GPATCH1: variants seen among roughly 807,000 people sequenced by gnomAD.
GPATCH1 encodes the protein G patch domain-containing protein 1.
Under a neutral mutation model 114.9 loss-of-function variants are expected in GPATCH1, and 73 were observed. That is an observed-to-expected ratio of 0.64 (90% CI 0.53 to 0.77). GPATCH1 has a LOEUF of 0.77. Ranked by LOEUF, GPATCH1 falls within the 30% of genes least tolerant of loss-of-function variation. The pLI, the probability that GPATCH1 is intolerant of heterozygous loss-of-function variation, is 0.00. For missense variants in GPATCH1, 1,058 were observed against 1,144.3 expected, an observed-to-expected ratio of 0.92 and a Z score of 1.09; for synonymous variants, 391 against 428.4, an observed-to-expected ratio of 0.91 and a Z score of 1.08.
At chr19:33,105,450 G>A (rs1972773450) in intron 9 of GPATCH1, among the ~76,000 whole-genome samples, 1 of 150,120 alleles carries the variant, frequency 6.7e-6, no homozygotes, top group Non-Finnish European at 1.5e-5. Flanking sequence ...AAGAAAGCCC[G>A]AAGCTTCAAT....
At chr19:33,092,039 C>CT (rs1972602157) in intron 3 of GPATCH1, among the ~76,000 whole-genome samples, 1 of 147,900 alleles carries the variant, frequency 6.8e-6, no homozygotes, top group African/African-American at 2.5e-5. Context: ...CTCTTGGTCC[C>CT]TTTTCTTTTC....
Position 33,081,186 on chromosome 19 carries a change from A to G in GPATCH1, c.-8A>G. The G allele has an allele frequency of 1.6e-5, 25 of 1,551,046 alleles. No homozygotes were observed. Among genetic ancestry groups the G allele is most frequent in the Non-Finnish European group, 2.1e-5 (24 of 1,146,754 alleles). On this transcript the variant is annotated 5_prime_UTR_variant, in exon 1 of 20. Coordinates refer to ENST00000170564, the MANE Select transcript of GPATCH1 (RefSeq NM_018025.3). Reference sequence around the variant, plus strand: ...CCGTAGCGAGGGGGCGGGGCCCGGAAGAGCAGGATGGCGGCGCGGGACAGT... The same window carrying G: ...CCGTAGCGAGGGGGCGGGGCCCGGAGGAGCAGGATGGCGGCGCGGGACAGT...
chr19:33,099,765 ATTTTTTTT>A (rs35230371), intron 8 of GPATCH1, among the ~76,000 whole-genome samples: 15 of 118,314 alleles, frequency 1.3e-4, no homozygotes, highest in Admixed American at 4.5e-4. Context: ...CGCCCAGCTA[ATTTTTTTT>A]TTTTTTTTTT....
intron 13 of GPATCH1, 128 bp downstream of exon 13, chr19:33,112,741 A>T (rs1280314865): frequency 1.7e-6 from 1 of 603,214 alleles, no homozygotes; most frequent in African/African-American, 1.9e-5. Flanking sequence ...CTGGATATAC[A>T]AATCTACACA....
chr19:33,109,070 A>G (rs773798394), intron 10 of GPATCH1, among the ~76,000 whole-genome samples: 1 of 151,472 alleles, frequency 6.6e-6, no homozygotes, highest in Non-Finnish European at 1.5e-5. Flanking sequence ...TACAAAAAGT[A>G]GTCGGGCATG....
intron 15 of GPATCH1, among the ~76,000 whole-genome samples, chr19:33,116,497 T>C (rs1972917205): frequency 6.6e-6 from 1 of 152,194 alleles, no homozygotes; most frequent in African/African-American, 2.4e-5. Flanking sequence ...TTTTGCTGGA[T>C]ATAGAATTCT....
chr19:33,100,018 G>A (rs527768926), intron 8 of GPATCH1, among the ~76,000 whole-genome samples: 10 of 151,906 alleles, frequency 6.6e-5, no homozygotes, highest in African/African-American at 2.4e-4. Context: ...TGATCCGCCC[G>A]CCTCGGCCTC....
rs758202873 is a variant in GPATCH1 at position 33,112,578 on chromosome 19, A to G, written c.1857A>G (p.Leu619=). The change falls in exon 13 of 20, where the codon CTA becomes CTG. Residue 619 remains leucine, a synonymous_variant. Coordinates refer to ENST00000170564, the MANE Select transcript of GPATCH1 (RefSeq NM_018025.3). ...TTGAGTGGCACCCTGACAAGCTTCT[A>G]TGTAAGAGATTTAATGTCCCTGACC... ...DTFEWHPDKL[L]CKRFNVPDPY... 14 of 1,613,830 alleles carry G rather than the reference A, an allele frequency of 8.7e-6. No homozygotes were observed. Among genetic ancestry groups the G allele is most frequent in the East Asian group, 6.7e-5 (3 of 44,890 alleles).
intron 10 of GPATCH1, 85 bp downstream of exon 10, chr19:33,106,984 A>G: frequency 9.7e-7 from 1 of 1,033,218 alleles, no homozygotes; most frequent in Non-Finnish European, 1.5e-6. Flanking sequence ...TTCCCACTGA[A>G]GTTTTTTACA....
chr19:33,091,817 G>C (rs1283225965), intron 3 of GPATCH1, among the ~76,000 whole-genome samples: 1 of 152,156 alleles, frequency 6.6e-6, no homozygotes, highest in Non-Finnish European at 1.5e-5. Flanking sequence ...GCAGGTAAGA[G>C]GGAAGGAAGT....
chr19:33,086,702 C>G (rs1211896107), intron 1 of GPATCH1, among the ~76,000 whole-genome samples: 1 of 152,148 alleles, frequency 6.6e-6, no homozygotes, highest in Non-Finnish European at 1.5e-5. Context: ...GTGATCCACC[C>G]GCCTCAGCCT....
chr19:33,086,785 G>C (rs986468813), intron 1 of GPATCH1, among the ~76,000 whole-genome samples: 2 of 151,894 alleles, frequency 1.3e-5, no homozygotes, highest in Non-Finnish European at 2.9e-5. Flanking sequence ...TAGTAGAAGG[G>C]GATTTGAATT....
chr19:33,102,908 G>A (rs1414627289), intron 9 of GPATCH1, among the ~76,000 whole-genome samples: 5 of 152,210 alleles, frequency 3.3e-5, no homozygotes, highest in Admixed American at 2.0e-4. Flanking sequence ...AGCTGGGGCC[G>A]AGCAGAAGGG....
At chr19:33,087,923 G>A (rs1285077395) in intron 1 of GPATCH1, among the ~76,000 whole-genome samples, 2 of 151,996 alleles carry the variant, frequency 1.3e-5, no homozygotes, top group Non-Finnish European at 2.9e-5. Flanking sequence ...AGTGGGAAAA[G>A]AGGGCAATCA....
intron 13 of GPATCH1, 126 bp from the exon 14 acceptor site, chr19:33,113,641 G>T: frequency 1.4e-6 from 1 of 704,500 alleles, no homozygotes; most frequent in Non-Finnish European, 2.4e-6. Flanking sequence ...GCTTTGAGAA[G>T]TGAAAGCATC....
chr19:33,104,681 G>A (rs79589580), intron 9 of GPATCH1, among the ~76,000 whole-genome samples: 3,034 of 152,144 alleles, frequency 0.02, 85 homozygotes, highest in African/African-American at 0.07. Flanking sequence ...CTCCTCAGGC[G>A]AGTCCAGCAT....
chr19:33,095,739 T>G (rs777616929), intron 5 of GPATCH1, 23 bp from the exon 6 acceptor site: 1 of 1,567,470 alleles, frequency 6.4e-7, no homozygotes, highest in Non-Finnish European at 8.8e-7. Context: ...TCATGACTAT[T>G]GCATTTGAAA....
At chr19:33,107,117 T>C (rs571571696) in intron 10 of GPATCH1, among the ~76,000 whole-genome samples, 42 of 152,178 alleles carry the variant, frequency 2.8e-4, no homozygotes, top group Non-Finnish European at 5.4e-4. Context: ...TTTGAGATAA[T>C]GTCTAGGTCT....
rs1420338310 is a variant in GPATCH1, at chr19:33,090,950, G to C, written c.294+85G>C. The C allele has an allele frequency of 4.9e-5, 38 of 783,104 alleles. No individual in the cohort carries two copies. In the Middle Eastern group the frequency reaches 9.0e-4, roughly 19 times the overall value. The allele number at this position is 783,104 out of a possible 1,614,324, so 48.5% of individuals were successfully genotyped here. A position where few individuals can be genotyped will look rare whatever the true frequency, so the allele number is the denominator to read the frequency against. ...TAACTGCCTTCTCTCTCCCCAGAAG[G>C]TCCAATGTACGATTTCCTCTTTGTT... On this transcript the variant is annotated intron_variant, in intron 3 of 19. Coordinates refer to ENST00000170564, the MANE Select transcript of GPATCH1 (RefSeq NM_018025.3).
Sources: gnomAD v4.1 joint callset for allele counts (sites outside exome capture counted in the v4.1 genomes callset) on GRCh38, gnomAD v4.1.1 for gene constraint, MANE v1.5 for transcripts, NCBI Gene and HGNC (gene_info 2026-07-23, HGNC 2026-07-21) for gene names.